The following SPSB1 variants were observed in gnomAD, a reference collection of about 807,000 sequenced individuals.
SPSB1 encodes splA/ryanodine receptor domain and SOCS box containing 1, also known as SPRY domain-containing SOCS box protein 1.
Under a neutral mutation model 21.2 loss-of-function variants are expected in SPSB1, and 8 were observed. That is an observed-to-expected ratio of 0.38 (90% CI 0.22 to 0.68). SPSB1 has a LOEUF of 0.68. SPSB1 is among the 30% of genes least tolerant of loss of function. The pLI, the probability that SPSB1 is intolerant of heterozygous loss-of-function variation, is 0.53. For missense variants in SPSB1, 242 were observed against 377.8 expected (o/e 0.64, Z 2.98); for synonymous variants, 169 against 161.7 (o/e 1.05, Z -0.34).
chr1:9,339,147 A>C, intron 1 of SPSB1: 1 of 924,584 alleles, frequency 1.1e-6, no homozygotes, highest in Non-Finnish European at 1.3e-6. Context: ...GGGGCTCCGG[A>C]GGTCCTGCCC....
chr1:9,339,581 T>C (rs1419301508), intron 1 of SPSB1, among the ~76,000 whole-genome samples: 1 of 152,114 alleles, frequency 6.6e-6, no homozygotes, highest in African/African-American at 2.4e-5. Context: ...ATGTGGTTCT[T>C]AAGGACTAGC....
intron 1 of SPSB1, among the ~76,000 whole-genome samples, chr1:9,344,282 G>A (rs1557460629): frequency 6.6e-6 from 1 of 152,156 alleles, no homozygotes; most frequent in Non-Finnish European, 1.5e-5. Context: ...AAAGTCTAAC[G>A]GGATCAGGAA....
intron 1 of SPSB1, among the ~76,000 whole-genome samples, chr1:9,354,979 G>T (rs1159816130): frequency 6.6e-6 from 1 of 152,182 alleles, no homozygotes; most frequent in Non-Finnish European, 1.5e-5. Flanking sequence ...ATGTGCTGTT[G>T]AGACCCAGAG....
At chr1:9,336,616 TGGGGCAGAGGCAGGGGCAGGAG>T (rs2100497270) in intron 1 of SPSB1, among the ~76,000 whole-genome samples, 1 of 152,288 alleles carries the variant, frequency 6.6e-6, no homozygotes, top group Admixed American at 6.5e-5. Flanking sequence ...AGGAAGAGTC[TGGGGCAGAGGCAGGGGCAGGAG>T]GCCGCTGCCT....
At position 9,292,935 on chromosome 1, in the gene SPSB1, G is replaced by A. The variant is rs918342740; in HGVS notation, c.-286G>A. 1.3e-5 allele frequency: 12 copies of A among 937,030 alleles called. No homozygotes were observed. The African/African-American group carries it at 2.4e-4, about 18-fold the overall frequency. The allele number at this position is 937,030 out of a possible 1,614,324, so 58.0% of individuals were successfully genotyped here. A position where few individuals can be genotyped will look rare whatever the true frequency, so the allele number is the denominator to read the frequency against. ...CGGGCAGCCTGCGCGCTCGCAGCAG[G>A]AACCAGGCTCCAGGCGCCGGCGCCG... On this transcript the variant is annotated 5_prime_UTR_variant, in exon 1 of 3. Coordinates refer to ENST00000328089, the MANE Select transcript of SPSB1 (RefSeq NM_025106.4).
At chr1:9,320,140 C>A (rs1428704906) in intron 1 of SPSB1, among the ~76,000 whole-genome samples, 6 of 152,234 alleles carry the variant, frequency 3.9e-5, no homozygotes, top group East Asian at 1.9e-4. Context: ...CCCCACCCCC[C>A]ACTATAGTTT....
At chr1:9,329,704 C>CAA (rs370850231) in intron 1 of SPSB1, among the ~76,000 whole-genome samples, 5,431 of 86,972 alleles carry the variant, frequency 0.062, 222 homozygotes, top group African/African-American at 0.12. Flanking sequence ...AAAACAACAA[C>CAA]AAAAAAAAAA....
In SPSB1 at chr1:9,301,946, C is replaced by T. The variant is rs531664378; in HGVS notation, c.-150+8875C>T. Among the ~76,000 whole-genome samples, 11 of 152,198 alleles carry T rather than the reference C, an allele frequency of 7.2e-5. No homozygotes were observed. In the East Asian group the frequency reaches 7.7e-4, roughly 11 times the overall value. The stretch of plus-strand genomic sequence containing the variant: ...TGGATACAGATTCGTCTTCCCTGCA[C>T]ACAGTGCTTCTGCCAAAGTCACCAT... On this transcript the variant is annotated intron_variant, in intron 1 of 2. Transcript: ENST00000328089.
chr1:9,369,338 C>T lies in SPSB1; in HGVS notation c.*1763C>T, dbSNP rs1640626433. ...CAGCTTATGGCCTTGACCCAGCCGT[C>T]CTCACAGATGCCGGGTGACCCTCTA... On this transcript the variant is annotated 3_prime_UTR_variant, in exon 3 of 3. Transcript: ENST00000328089. The T allele has an allele frequency of 6.6e-6, 1 of 152,062 alleles. No homozygotes were observed. Among genetic ancestry groups the T allele is most frequent in the African/African-American group, 2.4e-5 (1 of 41,366 alleles). 9.4% of individuals were successfully genotyped at this position (152,062 alleles called of 1,614,324 possible). A position where few individuals can be genotyped will look rare whatever the true frequency, so the allele number is the denominator to read the frequency against.
intron 1 of SPSB1, among the ~76,000 whole-genome samples, chr1:9,340,321 C>T (rs749636615): frequency 1.6e-4 from 24 of 152,278 alleles, no homozygotes; most frequent in Non-Finnish European, 3.2e-4. Flanking sequence ...GGGGACTGGC[C>T]GGAGCCCCGC....
intron 1 of SPSB1, among the ~76,000 whole-genome samples, chr1:9,307,576 C>T (rs577626558): frequency 2.6e-5 from 4 of 152,336 alleles, no homozygotes; most frequent in South Asian, 4.1e-4. Context: ...CTGGATTTCC[C>T]GTCCTGGCTC....
chr1:9,326,711 C>G (rs1639821523), intron 1 of SPSB1, among the ~76,000 whole-genome samples: 1 of 152,218 alleles, frequency 6.6e-6, no homozygotes, highest in African/African-American at 2.4e-5. Context: ...AAAACAGCAG[C>G]CTGATCATCA....
intron 1 of SPSB1, among the ~76,000 whole-genome samples, chr1:9,332,117 A>G (rs1027960985): frequency 6.6e-6 from 1 of 152,094 alleles, no homozygotes; most frequent in Non-Finnish European, 1.5e-5. Flanking sequence ...TTGGGAGGCC[A>G]AGGTGGGAGG....
Position 9,324,515 on chromosome 1 carries a change from G to A in SPSB1, c.-149-31228G>A, listed in dbSNP as rs1182808182. On this transcript the variant is annotated intron_variant, in intron 1 of 2. Transcript: ENST00000328089. This position sits in a 1 kb window ranked among gnomAD's most constrained non-coding sequence, Gnocchi z 4.3. ...GGTCGGCTCGGAGGGCTGTGGGCCCGGGACTCGGTGTGTCCGATGAGGAAA... is the reference window on the plus strand; with the variant it reads ...GGTCGGCTCGGAGGGCTGTGGGCCCAGGACTCGGTGTGTCCGATGAGGAAA... Among the ~76,000 whole-genome samples, 11 of 152,160 alleles carry A rather than the reference G, an allele frequency of 7.2e-5. No individual in the cohort carries two copies. The highest frequency in any genetic ancestry group is 2.2e-4 in the African/African-American group (9 of 41,438).
chr1:9,318,430 G>A (rs931132277), intron 1 of SPSB1, among the ~76,000 whole-genome samples: 25 of 152,130 alleles, frequency 1.6e-4, no homozygotes, highest in Admixed American at 9.8e-4. Flanking sequence ...CTCTCCTATC[G>A]CCCACGAAGC....
intron 1 of SPSB1, among the ~76,000 whole-genome samples, chr1:9,340,409 T>C (rs956292619): frequency 1.3e-5 from 2 of 150,866 alleles, no homozygotes; most frequent in Non-Finnish European, 2.9e-5. Context: ...CTGTAGTGCA[T>C]GTCAAGGCAA....
At chr1:9,361,531 C>T (rs1047991127) in intron 2 of SPSB1, among the ~76,000 whole-genome samples, 17 of 152,194 alleles carry the variant, frequency 1.1e-4, no homozygotes, top group African/African-American at 4.1e-4. Flanking sequence ...CTCTTTCCTG[C>T]ATGCCAGGCA....
rs1445959270 is a variant in SPSB1 at position 9,330,397 on chromosome 1, G to A, written c.-149-25346G>A. On this transcript the variant is annotated intron_variant, in intron 1 of 2. Transcript: ENST00000328089. Reference sequence around the variant, plus strand: ...GGAGAATCGCTTGAACCCGGGAGGCGGAGGTTGCAGTGAGCCAAGATTGTG... The same window carrying A: ...GGAGAATCGCTTGAACCCGGGAGGCAGAGGTTGCAGTGAGCCAAGATTGTG... Among the ~76,000 whole-genome samples, 5 of 152,210 alleles carry A rather than the reference G, an allele frequency of 3.3e-5. No homozygotes were observed. The East Asian group carries it at 5.8e-4, about 18-fold the overall frequency.
intron 1 of SPSB1, among the ~76,000 whole-genome samples, chr1:9,309,335 A>T (rs9442559): frequency 0.012 from 1,511 of 123,572 alleles, 20 homozygotes; most frequent in South Asian, 0.034. Context: ...TGTGTGTGTG[A>T]GTGACAGATT....
Sources: allele counts gnomAD v4.1 joint callset (sites outside exome capture counted in the v4.1 genomes callset), GRCh38; gene constraint gnomAD v4.1.1; non-coding constraint Gnocchi (gnomAD v3.1); transcripts MANE v1.5; gene names NCBI Gene and HGNC (gene_info 2026-07-23, HGNC 2026-07-21).